The following DIAPH3 variants were observed in gnomAD, a reference collection of about 807,000 sequenced individuals.
DIAPH3 encodes the protein protein diaphanous homolog 3.
A neutral mutation model predicts 144.3 loss-of-function variants in DIAPH3; 117 were observed. The ratio of observed to expected loss-of-function variants is 0.81; its 90% confidence interval spans 0.70 to 0.95. The LOEUF (loss-of-function observed/expected upper bound fraction) is 0.95. Ranked by LOEUF, DIAPH3 falls within the 40% of genes least tolerant of loss-of-function variation. The pLI, the probability that DIAPH3 is intolerant of heterozygous loss-of-function variation, is 0.00. For missense variants in DIAPH3, 1,421 were observed against 1,412.7 expected, an observed-to-expected ratio of 1.01 and a Z score of -0.09; for synonymous variants, 519 against 488.9, an observed-to-expected ratio of 1.06 and a Z score of -0.81.
intron 3 of DIAPH3, among the ~76,000 whole-genome samples, chr13:60,100,135 A>C (rs2058230127): frequency 6.6e-6 from 1 of 152,120 alleles, no homozygotes; most frequent in Non-Finnish European, 1.5e-5. Context: ...TTAATTATAG[A>C]GGGGAAATAC....
rs1359073552 is a variant in DIAPH3 at position 59,916,264 on chromosome 13, G to A, written c.2171-15C>T. 6 of 1,596,920 alleles carry A rather than the reference G, an allele frequency of 3.8e-6. No individual in the cohort carries two copies. The Admixed American group carries it at 5.0e-5, about 13-fold the overall frequency. On this transcript the variant is annotated splice_polypyrimidine_tract_variant and intron_variant, in intron 18 of 27. Coordinates refer to ENST00000400324, the MANE Select transcript of DIAPH3 (RefSeq NM_001042517.2). The stretch of plus-strand genomic sequence containing the variant: ...CAGGAAGATTGCTAAGAAGGAGAAA[G>A]AGAGAAAGGTTTATAATGAATAAGG...
At chr13:59,835,954 T>C (rs2042025269) in intron 23 of DIAPH3, among the ~76,000 whole-genome samples, 1 of 151,906 alleles carries the variant, frequency 6.6e-6, no homozygotes, top group African/African-American at 2.4e-5. Flanking sequence ...TTCTAAAGCA[T>C]TGCTATATAG....
chr13:59,970,923 G>C lies in DIAPH3; in HGVS notation c.1888C>G (p.Leu630Val). Residue 630 changes from leucine (L) to valine (V), a missense_variant, in exon 16 of 28, where the codon CTG becomes GTG. By Grantham distance (32) the Leu-to-Val change is conservative (BLOSUM62 1). Transcript: ENST00000400324. ...GGQNSPPLPI[L>V]PFGLKPKKEF... ...TTCTTTGGTTTCAACCCAAATGGCA[G>C]GATTGGTAGAGGAGGAGAATTTTGT... is the stretch of plus-strand genomic sequence containing the variant. 1.2e-6 allele frequency: 2 copies of C among 1,613,934 alleles called. No individual in the cohort carries two copies. Among genetic ancestry groups the C allele is most frequent in the Non-Finnish European group, 1.7e-6 (2 of 1,179,980 alleles).
At chr13:60,076,578 G>A (rs1017330005) in intron 4 of DIAPH3, among the ~76,000 whole-genome samples, 1 of 152,030 alleles carries the variant, frequency 6.6e-6, no homozygotes, top group African/African-American at 2.4e-5. Flanking sequence ...TATATAGGCT[G>A]TTCAAAAATC....
intron 25 of DIAPH3, among the ~76,000 whole-genome samples, chr13:59,808,168 A>T (rs571692313): frequency 1.8e-3 from 266 of 151,850 alleles, no homozygotes; most frequent in African/African-American, 6.1e-3. Context: ...TTAAAACATC[A>T]TAGAATGAAA....
At chr13:59,769,629 C>T (rs893916464) in intron 27 of DIAPH3, among the ~76,000 whole-genome samples, 3 of 151,804 alleles carry the variant, frequency 2.0e-5, no homozygotes, top group Non-Finnish European at 4.4e-5. Flanking sequence ...TATAGGTTGC[C>T]ATGAAGTCCT....
intron 17 of DIAPH3, among the ~76,000 whole-genome samples, chr13:59,929,077 A>G (rs1393467109): frequency 6.6e-6 from 1 of 152,230 alleles, no homozygotes; most frequent in Non-Finnish European, 1.5e-5. Context: ...TTGAGTATCA[A>G]GATGACACTC....
intron 27 of DIAPH3, among the ~76,000 whole-genome samples, chr13:59,682,939 A>C (rs556612686): frequency 6.6e-6 from 1 of 152,340 alleles, no homozygotes; most frequent in Non-Finnish European, 1.5e-5. Context: ...CTTTGTGTTA[A>C]AAGCGGTACT....
chr13:60,084,749 G>A (rs1019278351), intron 4 of DIAPH3, among the ~76,000 whole-genome samples: 1 of 152,014 alleles, frequency 6.6e-6, no homozygotes, highest in Non-Finnish European at 1.5e-5. Flanking sequence ...ATCTACTCTG[G>A]AAGGCCTTCT....
At chr13:60,098,305 A>G (rs1346300474) in intron 3 of DIAPH3, among the ~76,000 whole-genome samples, 2 of 152,062 alleles carry the variant, frequency 1.3e-5, no homozygotes, top group Non-Finnish European at 2.9e-5. Context: ...TTCTCACTTC[A>G]CCCTGAGATG....
chr13:60,065,470 A>G (rs7328390), intron 4 of DIAPH3, among the ~76,000 whole-genome samples: 5,622 of 152,234 alleles, frequency 0.037, 135 homozygotes, highest in East Asian at 0.075. Context: ...GACATGATCA[A>G]CTTTGCTCAT....
At chr13:59,757,391 C>CATTT (rs1566267394) in intron 27 of DIAPH3, among the ~76,000 whole-genome samples, 2 of 136,690 alleles carry the variant, frequency 1.5e-5, no homozygotes. Context: ...TATGGGTCAT[C>CATTT]CTTTTTTTTT....
At chr13:60,135,118 T>C (rs1057051921) in intron 1 of DIAPH3, among the ~76,000 whole-genome samples, 14 of 152,018 alleles carry the variant, frequency 9.2e-5, no homozygotes, top group Admixed American at 3.9e-4. Flanking sequence ...GAAACACTTA[T>C]ATACTGTCAA....
At chr13:60,088,219 T>C (rs2057813829) in intron 4 of DIAPH3, among the ~76,000 whole-genome samples, 1 of 100,440 alleles carries the variant, frequency 1.0e-5, no homozygotes, top group African/African-American at 4.1e-5. Context: ...TAAGCAAATG[T>C]TCATCTCTAC....
At position 59,666,488 on chromosome 13, in the gene DIAPH3, T is replaced by C; in HGVS notation, c.*96A>G. The C allele has an allele frequency of 7.3e-7, 1 of 1,367,688 alleles. No individual in the cohort carries two copies. Among genetic ancestry groups the C allele is most frequent in the Non-Finnish European group, 1.0e-6 (1 of 997,256 alleles). 84.7% of individuals were successfully genotyped at this position (1,367,688 alleles called of 1,614,324 possible). A position where few individuals can be genotyped will look rare whatever the true frequency, so the allele number is the denominator to read the frequency against. ...ATATATATCATAATTTAAAACTATA[T>C]AAAGTCACTTACATAAAAGCAATTT... On this transcript the variant is annotated 3_prime_UTR_variant, in exon 28 of 28. Coordinates refer to ENST00000400324, the MANE Select transcript of DIAPH3 (RefSeq NM_001042517.2).
At chr13:59,739,240 G>T (rs867307129) in intron 27 of DIAPH3, among the ~76,000 whole-genome samples, 1 of 152,116 alleles carries the variant, frequency 6.6e-6, no homozygotes, top group Non-Finnish European at 1.5e-5. Flanking sequence ...AACTGACTAC[G>T]TTTCATCTAC....
At chr13:60,112,680 T>A (rs897072704) in intron 2 of DIAPH3, among the ~76,000 whole-genome samples, 3 of 152,168 alleles carry the variant, frequency 2.0e-5, no homozygotes, top group African/African-American at 7.2e-5. Flanking sequence ...TATATCTTCA[T>A]AGCTTAGTGG....
intron 4 of DIAPH3, among the ~76,000 whole-genome samples, chr13:60,083,809 T>G (rs956498420): frequency 6.6e-5 from 10 of 151,716 alleles, no homozygotes; most frequent in Non-Finnish European, 1.5e-4. Flanking sequence ...AAAGCTGAGG[T>G]TGGAGGATCA....
At chr13:59,741,298 T>A (rs1018082156) in intron 27 of DIAPH3, among the ~76,000 whole-genome samples, 1 of 152,026 alleles carries the variant, frequency 6.6e-6, no homozygotes, top group Non-Finnish European at 1.5e-5. Flanking sequence ...AAAATCTGAG[T>A]GAATATCTAT....
Sources: allele counts gnomAD v4.1 joint callset (sites outside exome capture counted in the v4.1 genomes callset), GRCh38; gene constraint gnomAD v4.1.1; transcripts MANE v1.5; gene names NCBI Gene and HGNC (gene_info 2026-07-23, HGNC 2026-07-21).